Variants in DNAH9 observed in about 807,000 individuals in gnomAD.
DNAH9 encodes the protein DNAH9 variant protein.
A neutral mutation model predicts 471.6 loss-of-function variants in DNAH9; 345 were observed. The observed-to-expected ratio is 0.73, with a 90% CI of 0.67 to 0.80. DNAH9 has a LOEUF of 0.80. DNAH9 is among the 30% of genes least tolerant of loss of function. The probability of loss-of-function intolerance (pLI) is 0.00; values close to 1 mark genes in which losing one functional copy is unlikely to be tolerated. For missense variants in DNAH9, 5,407 were observed against 5,609.2 expected, an observed-to-expected ratio of 0.96 and a Z score of 1.15; for synonymous variants, 2,093 against 2,123.6, an observed-to-expected ratio of 0.99 and a Z score of 0.40.
chr17:11,850,542 T>A (rs1387618523), intron 49 of DNAH9, among the ~76,000 whole-genome samples: 1 of 151,784 alleles, frequency 6.6e-6, no homozygotes, highest in Non-Finnish European at 1.5e-5. Flanking sequence ...CAGCTGTAAT[T>A]TGGGAGGCTG....
chr17:11,605,315 C>G (rs1012300878), intron 1 of DNAH9, among the ~76,000 whole-genome samples: 2 of 152,180 alleles, frequency 1.3e-5, no homozygotes, highest in African/African-American at 2.4e-5. Context: ...ACAGAACTTA[C>G]TGTTTCTTGA....
chr17:11,753,005 G>C, intron 33 of DNAH9, 45 bp downstream of exon 33: 1 of 1,479,380 alleles, frequency 6.8e-7, no homozygotes, highest in African/African-American at 1.4e-5. Flanking sequence ...AATCACCTGT[G>C]AAACCAGTCA....
intron 1 of DNAH9, among the ~76,000 whole-genome samples, chr17:11,602,368 C>G (rs2072404207): frequency 2.6e-5 from 4 of 152,134 alleles, no homozygotes; most frequent in Admixed American, 2.6e-4. Context: ...ATCCTCCTCA[C>G]CCATCTGATG....
chr17:11,871,516 G>T lies in DNAH9; in HGVS notation c.10054-82G>T, dbSNP rs1003456081. 9.5e-6 allele frequency: 12 copies of T among 1,267,868 alleles called. No individual in the cohort carries two copies. In the East Asian group the frequency reaches 2.6e-4, roughly 27 times the overall value. 78.5% of individuals were successfully genotyped at this position (1,267,868 alleles called of 1,614,324 possible). ...CTCTTCCCGCTATGAAGCGTGCAGC[G>T]GGCGCTCTCCATGATGGAATCACGG... On this transcript the variant is annotated intron_variant, in intron 51 of 68. Transcript: ENST00000262442.
chr17:11,619,650 G>C lies in DNAH9; in HGVS notation c.1219G>C (p.Glu407Gln). 6.2e-7 allele frequency: 1 copy of C among 1,614,088 alleles called. No homozygotes were observed. The highest frequency in any genetic ancestry group is 1.3e-5 in the African/African-American group (1 of 75,050). The change falls in exon 6 of 69, where the codon GAG (glutamate) becomes CAG (glutamine). Residue 407 changes from glutamate to glutamine, a missense_variant. By Grantham distance (29) the Glu-to-Gln change is conservative. Coordinates refer to ENST00000262442, the MANE Select transcript of DNAH9 (RefSeq NM_001372.4). ...AGACACTTTGAGCTTCTTCAAGCAA[G>C]AGTTTCAGGACAGAAGGGAGAATCT... ...VSDTLSFFKQEFQDRRENLHT... is the reference protein window; with the variant it reads ...VSDTLSFFKQQFQDRRENLHT...
intron 50 of DNAH9, among the ~76,000 whole-genome samples, chr17:11,866,198 G>A: frequency 6.6e-6 from 1 of 151,478 alleles, no homozygotes; most frequent in Non-Finnish European, 1.5e-5. Context: ...GGTTTTTGGT[G>A]TGGATGTCCT....
In DNAH9 at chr17:11,762,758, G is replaced by GTTTTTTTTTTTTTTTTTTTT. The variant is rs111963634; in HGVS notation, c.6996-671_6996-670insTTTTTTTTTTTTTTTTTTTT. 1.8e-4 allele frequency among the ~76,000 whole-genome samples: 17 copies of GTTTTTTTTTTTTTTTTTTTT among 94,760 alleles called. 1 individual carries two copies. The highest frequency in any genetic ancestry group is 3.0e-4 in the Non-Finnish European group (14 of 46,730). The allele number at this position is 94,760 out of a possible 152,430, so 62.2% of individuals were successfully genotyped here. On this transcript the variant is annotated intron_variant, in intron 35 of 68. Coordinates refer to ENST00000262442, the MANE Select transcript of DNAH9 (RefSeq NM_001372.4). Reference sequence around the variant, plus strand: ...GCACCAAAATTGCCTCTTTAGGTGCGTTTTTTTTTTTGTTTTTTTTTTTTT... The same window carrying GTTTTTTTTTTTTTTTTTTTT: ...GCACCAAAATTGCCTCTTTAGGTGCGTTTTTTTTTTTTTTTTTTTTTTTTTTTTTTTGTTTTTTTTTTTTT...
chr17:11,863,764 C>T (rs530103126), intron 50 of DNAH9, among the ~76,000 whole-genome samples: 8 of 150,008 alleles, frequency 5.3e-5, no homozygotes, highest in Non-Finnish European at 1.2e-4. Flanking sequence ...GTGTATGTGT[C>T]GAGGAATTTA....
At chr17:11,725,021 A>G (rs1054463622) in intron 27 of DNAH9, among the ~76,000 whole-genome samples, 8 of 152,194 alleles carry the variant, frequency 5.3e-5, no homozygotes, top group Non-Finnish European at 7.3e-5. Context: ...CACATGTGCA[A>G]TTCACAATGG....
chr17:11,928,503 T>C (rs113759180), intron 62 of DNAH9, among the ~76,000 whole-genome samples: 1 of 152,322 alleles, frequency 6.6e-6, no homozygotes, highest in African/African-American at 2.4e-5. Context: ...ATGAAACACA[T>C]TGCAATGAAG....
intron 68 of DNAH9, among the ~76,000 whole-genome samples, chr17:11,966,655 C>A (rs1327138141): frequency 6.6e-6 from 1 of 152,094 alleles, no homozygotes; most frequent in Non-Finnish European, 1.5e-5. Flanking sequence ...AATTATAAAT[C>A]TGTGTTGATG....
chr17:11,939,851 G>A (rs1326128705), intron 66 of DNAH9, among the ~76,000 whole-genome samples: 1 of 146,788 alleles, frequency 6.8e-6, no homozygotes, highest in South Asian at 2.2e-4. Flanking sequence ...TGGATGATGG[G>A]TAGATGGGTG....
Position 11,929,914 on chromosome 17 carries a change from G to A in DNAH9, c.11926G>A (p.Glu3976Lys). ...GCTCAGCACCCTGGAGAAGAAGCTGGAGGAGCACAGTGAGAACAGCCACCC... is the reference window on the plus strand; with the variant it reads ...GCTCAGCACCCTGGAGAAGAAGCTGAAGGAGCACAGTGAGAACAGCCACCC... ...KWLSTLEKKL[E>K]EHSENSHPEF... is the part of the protein sequence containing the mutation. Residue 3976 changes from glutamate to lysine, a missense_variant, in exon 63 of 69, where the codon GAG (glutamate) becomes AAG (lysine). Physicochemically the swap from Glu to Lys is moderately conservative, Grantham distance 56. Coordinates refer to ENST00000262442, the MANE Select transcript of DNAH9 (RefSeq NM_001372.4). 6.2e-7 allele frequency: 1 copy of A among 1,614,024 alleles called. No individual in the cohort carries two copies. The highest frequency in any genetic ancestry group is 8.5e-7 in the Non-Finnish European group (1 of 1,179,992).
intron 67 of DNAH9, among the ~76,000 whole-genome samples, chr17:11,951,250 T>G (rs1465143220): frequency 6.6e-6 from 1 of 152,252 alleles, no homozygotes; most frequent in Non-Finnish European, 1.5e-5. Context: ...GGCCTGTTTT[T>G]TTAAAAAATA....
At chr17:11,805,167 G>A (rs909674795) in intron 43 of DNAH9, among the ~76,000 whole-genome samples, 6 of 152,138 alleles carry the variant, frequency 3.9e-5, no homozygotes, top group Non-Finnish European at 8.8e-5. Flanking sequence ...GAGACATGGG[G>A]CAATGAGGAA....
intron 32 of DNAH9, among the ~76,000 whole-genome samples, chr17:11,750,247 A>G (rs1351035333): frequency 6.6e-6 from 1 of 152,156 alleles, no homozygotes; most frequent in African/African-American, 2.4e-5. Context: ...AGCCTAGGCA[A>G]CATAGTTGAG....
intron 18 of DNAH9, among the ~76,000 whole-genome samples, 169 bp from the exon 19 acceptor site, chr17:11,680,554 C>T (rs139639180): frequency 1.3e-5 from 2 of 152,114 alleles, no homozygotes; most frequent in African/African-American, 4.8e-5. Flanking sequence ...GGAAGGAAGT[C>T]GAGGAAGAGT....
At chr17:11,780,551 A>G (rs1378935706) in intron 38 of DNAH9, among the ~76,000 whole-genome samples, 1 of 152,152 alleles carries the variant, frequency 6.6e-6, no homozygotes, top group East Asian at 1.9e-4. Context: ...CTGTAAAGAT[A>G]TTTTCCATTT....
At chr17:11,793,921 A>AG (rs1244501431) in intron 42 of DNAH9, among the ~76,000 whole-genome samples, 1 of 152,014 alleles carries the variant, frequency 6.6e-6, no homozygotes, top group Non-Finnish European at 1.5e-5. Flanking sequence ...TTAGTCCCCT[A>AG]GCAGCATTTC....
Sources: gnomAD v4.1 joint callset for allele counts (sites outside exome capture counted in the v4.1 genomes callset) on GRCh38, gnomAD v4.1.1 for gene constraint, MANE v1.5 for transcripts, NCBI Gene and HGNC (gene_info 2026-07-23, HGNC 2026-07-21) for gene names.